CLIP1: variants seen among roughly 807,000 people sequenced by gnomAD.
CLIP1 encodes the protein CAP-Gly domain-containing linker protein 1.
CLIP1 carries 66 observed loss-of-function variants against 161.6 expected under a neutral mutation model. The ratio of observed to expected loss-of-function variants is 0.41; its 90% confidence interval spans 0.33 to 0.50. CLIP1 has a LOEUF of 0.50. Among genes scored for constraint, CLIP1 ranks in the 20% least tolerant of loss-of-function variants. The probability of loss-of-function intolerance (pLI) is 0.27; values close to 1 mark genes in which losing one functional copy is unlikely to be tolerated. For synonymous variants in CLIP1, 598 were observed against 626.2 expected, an observed-to-expected ratio of 0.96 and a Z score of 0.67; for missense variants, 1,376 against 1,702.0, an observed-to-expected ratio of 0.81 and a Z score of 3.37.
intron 7 of CLIP1, among the ~76,000 whole-genome samples, chr12:122,353,680 G>C (rs1305735469): frequency 1.3e-5 from 2 of 152,006 alleles, no homozygotes; most frequent in Non-Finnish European, 2.9e-5. Flanking sequence ...ACCCAGACTG[G>C]AGTGCAGTGG....
chr12:122,302,688 C>T (rs956438198), intron 20 of CLIP1, among the ~76,000 whole-genome samples: 4 of 151,938 alleles, frequency 2.6e-5, no homozygotes. Flanking sequence ...ACCTCCACCT[C>T]CTGGGTTCAA....
chr12:122,315,649 T>TTTC (rs796961552), intron 19 of CLIP1, among the ~76,000 whole-genome samples: 1 of 147,220 alleles, frequency 6.8e-6, no homozygotes, highest in African/African-American at 2.5e-5. Context: ...CCTTTTCTTT[T>TTTC]TTTTTTTTTG....
intron 10 of CLIP1, among the ~76,000 whole-genome samples, chr12:122,344,893 G>A (rs1319605777): frequency 6.6e-6 from 1 of 152,148 alleles, no homozygotes; most frequent in Non-Finnish European, 1.5e-5. Context: ...ACCCAAGAGT[G>A]AGGATCAACA....
chr12:122,275,443 TCTAG>T (rs1007498329), intron 24 of CLIP1: 1 of 151,910 alleles, frequency 6.6e-6, no homozygotes, highest in African/African-American at 2.4e-5. Context: ...ATACCCTGTC[TCTAG>T]TAAAAATACA....
At chr12:122,358,980 G>C (rs1488851149) in intron 5 of CLIP1, among the ~76,000 whole-genome samples, 3 of 152,160 alleles carry the variant, frequency 2.0e-5, no homozygotes, top group Admixed American at 2.0e-4. Flanking sequence ...AAAATCGCTT[G>C]AACCCGGGAG....
chr12:122,332,473 T>C lies in CLIP1; in HGVS notation c.2867+514A>G, dbSNP rs148070061. Among the ~76,000 whole-genome samples the C allele has an allele frequency of 3.7e-3, 562 of 152,220 alleles. 4 individuals are homozygous for C. Among genetic ancestry groups the C allele is most frequent in the African/African-American group, 0.012 (517 of 41,536 alleles). ...CGTCTCTCTATTGCCCAGGCTAGAG[T>C]GCAGTGGCACAATCTCAGCTCACTG... On this transcript the variant is annotated intron_variant, in intron 15 of 25. Coordinates refer to ENST00000620786, the MANE Select transcript of CLIP1 (RefSeq NM_001247997.2).
At chr12:122,282,269 GACT>G (rs933330662) in intron 21 of CLIP1, among the ~76,000 whole-genome samples, 1 of 152,106 alleles carries the variant, frequency 6.6e-6, no homozygotes, top group African/African-American at 2.4e-5. Context: ...CACCAGGAGG[GACT>G]ACATTAAACC....
intron 20 of CLIP1, among the ~76,000 whole-genome samples, chr12:122,293,792 T>TTTTTTTG (rs1252387983): frequency 0.027 from 3,636 of 136,648 alleles, 213 homozygotes; most frequent in African/African-American, 0.1. Flanking sequence ...AATTTGTTTT[T>TTTTTTTG]TTTTTTGTTT....
intron 19 of CLIP1, among the ~76,000 whole-genome samples, chr12:122,314,702 G>A (rs1241833245): frequency 2.0e-5 from 3 of 152,150 alleles, no homozygotes; most frequent in Non-Finnish European, 2.9e-5. Flanking sequence ...CACAATGCAG[G>A]AATTCAACCT....
At chr12:122,274,229 A>G in intron 24 of CLIP1, 67 bp from the exon 25 acceptor site, 2 of 1,396,280 alleles carry the variant, frequency 1.4e-6, no homozygotes, top group Non-Finnish European at 2.0e-6. Flanking sequence ...TCAAGAAGTC[A>G]TGAAGTTTAT....
chr12:122,421,445 C>G (rs911563312), intron 1 of CLIP1, among the ~76,000 whole-genome samples: 2 of 152,064 alleles, frequency 1.3e-5, no homozygotes, highest in Non-Finnish European at 2.9e-5. Flanking sequence ...GAATCATAAC[C>G]CTAATGACAG....
chr12:122,307,472 C>G (rs1476725928), intron 20 of CLIP1, among the ~76,000 whole-genome samples: 1 of 152,168 alleles, frequency 6.6e-6, no homozygotes, highest in African/African-American at 2.4e-5. Flanking sequence ...TGGGTCAGTA[C>G]TTACCTTTCC....
intron 17 of CLIP1, among the ~76,000 whole-genome samples, chr12:122,326,336 C>T (rs1172657637): frequency 6.6e-6 from 1 of 151,572 alleles, no homozygotes; most frequent in Non-Finnish European, 1.5e-5. Flanking sequence ...GCAACCCCAG[C>T]GCCTTGTGAG....
At chr12:122,369,094 C>T (rs1320833756) in intron 3 of CLIP1, among the ~76,000 whole-genome samples, 1 of 151,704 alleles carries the variant, frequency 6.6e-6, no homozygotes, top group East Asian at 1.9e-4. Flanking sequence ...TCTCAGCTCA[C>T]TACAACCTCT....
intron 9 of CLIP1, chr12:122,350,886 T>C: frequency 2.5e-6 from 1 of 393,610 alleles, no homozygotes; most frequent in East Asian, 3.7e-5. Context: ...AAAGCAAACG[T>C]TGGCCTATTC....
intron 20 of CLIP1, among the ~76,000 whole-genome samples, chr12:122,302,772 T>A (rs996041521): frequency 6.6e-6 from 1 of 152,118 alleles, no homozygotes; most frequent in Admixed American, 6.6e-5. Context: ...AATTTTTGTA[T>A]TTTTAGTAGA....
intron 15 of CLIP1, among the ~76,000 whole-genome samples, chr12:122,330,246 T>G (rs2136251471): frequency 6.6e-6 from 1 of 152,230 alleles, no homozygotes; most frequent in East Asian, 1.9e-4. Context: ...CCTACAAAAA[T>G]GGAGCTTCTT....
chr12:122,341,762 CTTTTTTTTTTTTTTTTTTTTTTTTTT>C (rs57202144), intron 10 of CLIP1, 65 bp from the exon 11 acceptor site: 5,989 of 98,658 alleles, frequency 0.061, 187 homozygotes, highest in Middle Eastern at 0.19. Flanking sequence ...ATTTTCTTTT[CTTTTTTTTTTTTTTTTTTTTTTTTTT>C]TTTTTTTTTT....
At chr12:122,351,079 G>A (rs1953014445) in intron 9 of CLIP1, 32 bp downstream of exon 9, 2 of 1,499,840 alleles carry the variant, frequency 1.3e-6, no homozygotes, top group East Asian at 2.3e-5. Context: ...TGTTAACAAG[G>A]GAAATATCCA....
Sources: allele counts gnomAD v4.1 joint callset (sites outside exome capture counted in the v4.1 genomes callset), GRCh38; gene constraint gnomAD v4.1.1; transcripts MANE v1.5; gene names NCBI Gene and HGNC (gene_info 2026-07-23, HGNC 2026-07-21).